The following MAP4K3 variants were observed in gnomAD, a reference collection of about 807,000 sequenced individuals.
MAP4K3 encodes the protein mitogen-activated protein kinase kinase kinase kinase 3, also known as MAPK/ERK kinase kinase kinase 3.
A neutral mutation model predicts 143.5 loss-of-function variants in MAP4K3; 94 were observed. The ratio of observed to expected loss-of-function variants is 0.65; its 90% CI spans 0.55 to 0.78. The LOEUF is 0.78. Ranked by LOEUF, MAP4K3 falls within the 30% of genes least tolerant of loss-of-function variation. The pLI, the probability that MAP4K3 is intolerant of heterozygous loss-of-function variation, is 0.00. For synonymous variants in MAP4K3, 416 were observed against 347.2 expected, an observed-to-expected ratio of 1.20 and a Z score of -2.20; for missense variants, 1,077 against 1,068.1, an observed-to-expected ratio of 1.01 and a Z score of -0.12.
intron 1 of MAP4K3, among the ~76,000 whole-genome samples, chr2:39,382,900 G>C (rs1167670954): frequency 6.6e-6 from 1 of 152,188 alleles, no homozygotes; most frequent in Non-Finnish European, 1.5e-5. Context: ...TTATGCAGAG[G>C]TTTGAAAAGA....
At chr2:39,261,256 A>C (rs949721989) in intron 28 of MAP4K3, 3 of 152,336 alleles carry the variant, frequency 2.0e-5, no homozygotes, top group African/African-American at 7.2e-5. Flanking sequence ...AAATCAAAAA[A>C]AATTAGCTTC....
chr2:39,350,825 T>G (rs1315354742), intron 3 of MAP4K3, among the ~76,000 whole-genome samples: 2 of 152,164 alleles, frequency 1.3e-5, no homozygotes, highest in Non-Finnish European at 2.9e-5. Flanking sequence ...AAGATTCATT[T>G]TTGCCCATAT....
At chr2:39,396,765 G>A (rs1217522039) in intron 1 of MAP4K3, among the ~76,000 whole-genome samples, 2 of 152,098 alleles carry the variant, frequency 1.3e-5, no homozygotes, top group Non-Finnish European at 2.9e-5. Flanking sequence ...GAGCCACCGC[G>A]CCCAGCCCCA....
rs141078120 is a variant in MAP4K3 at position 39,390,700 on chromosome 2, C to T, written c.97-12577G>A. On this transcript the variant is annotated intron_variant, in intron 1 of 33. Coordinates refer to ENST00000263881, the MANE Select transcript of MAP4K3 (RefSeq NM_003618.4). ...TCATTAAGTGTCCCCAAATCAGAAA[C>T]TGGAGATCAGAAGAAAAAGCACTTT... is the stretch of plus-strand genomic sequence containing the variant. 1.8e-3 allele frequency among the ~76,000 whole-genome samples: 278 copies of T among 151,586 alleles called. 2 individuals are homozygous for T. The highest frequency in any genetic ancestry group is 6.5e-3 in the African/African-American group (269 of 41,258).
intron 28 of MAP4K3, among the ~76,000 whole-genome samples, chr2:39,263,461 A>C (rs1201500559): frequency 8.4e-6 from 1 of 118,824 alleles, no homozygotes; most frequent in Non-Finnish European, 1.8e-5. Flanking sequence ...TTGTATTTTT[A>C]GTAGAGACGG....
chr2:39,292,784 A>G lies in MAP4K3; in HGVS notation c.1260T>C (p.Asp420=). The G allele has an allele frequency of 6.2e-7, 1 of 1,612,902 alleles. No individual in the cohort carries two copies. Among genetic ancestry groups the G allele is most frequent in the Non-Finnish European group, 8.5e-7 (1 of 1,179,002 alleles). ...GAGACAGAACTTACTGTTTAGATTC[A>G]TCATCATCTCCTTCATCATCTTCTA... is the stretch of plus-strand genomic sequence containing the variant. The part of the protein sequence containing the change: ...AHLEDDEGDD[D]ESKHSTLKAK... The change falls in exon 18 of 34, where the codon GAT becomes GAC. Residue 420 remains aspartate, a synonymous_variant. Transcript: ENST00000263881.
chr2:39,420,686 T>C (rs1186867452), intron 1 of MAP4K3, among the ~76,000 whole-genome samples: 1 of 152,098 alleles, frequency 6.6e-6, no homozygotes, highest in Non-Finnish European at 1.5e-5. Flanking sequence ...GTGTTGGAAT[T>C]ACAAGCATGA....
chr2:39,423,025 T>C (rs370191946), intron 1 of MAP4K3, among the ~76,000 whole-genome samples: 3 of 152,156 alleles, frequency 2.0e-5, no homozygotes, highest in Admixed American at 1.3e-4. Context: ...GCATAACATA[T>C]ATCTGATAGA....
rs1407811010 is a variant in MAP4K3 at position 39,258,386 on chromosome 2, G to A, written c.2432C>T (p.Ser811Leu). ...CTGGAAATCAAAGGTGAGTTCTGAT[G>A]ACAATTTCCTGCTAGATTTTAATCT... The part of the protein sequence containing the change: ...QGRLKSSRKL[S>L]SELTFDFQIE... Residue 811 changes from serine to leucine, a missense_variant, in exon 31 of 34, where the codon TCA becomes TTA. Around this residue, in one of 2 missense-constraint regions of MAP4K3, gnomAD observed 864 missense variants for 801.2 expected, o/e 1.08. Transcript: ENST00000263881. 6.2e-7 allele frequency: 1 copy of A among 1,610,574 alleles called. No individual in the cohort carries two copies. The highest frequency in any genetic ancestry group is 8.5e-7 in the Non-Finnish European group (1 of 1,178,506).
At chr2:39,335,901 G>A (rs1299649894) in intron 6 of MAP4K3, among the ~76,000 whole-genome samples, 1 of 151,988 alleles carries the variant, frequency 6.6e-6, no homozygotes, top group Non-Finnish European at 1.5e-5. Context: ...GAAACCCAGA[G>A]GACAGTAAGA....
At chr2:39,406,541 T>C (rs1044733938) in intron 1 of MAP4K3, among the ~76,000 whole-genome samples, 2 of 152,098 alleles carry the variant, frequency 1.3e-5, no homozygotes, top group Admixed American at 6.5e-5. Context: ...GACTTTTCAG[T>C]GGGAGCCTTA....
chr2:39,318,860 T>C (rs1242322554), intron 12 of MAP4K3, among the ~76,000 whole-genome samples: 1 of 152,174 alleles, frequency 6.6e-6, no homozygotes, highest in Non-Finnish European at 1.5e-5. Context: ...TAGATGAGAA[T>C]GTCAAGTTTG....
At chr2:39,326,517 G>C (rs1683494614) in intron 8 of MAP4K3, among the ~76,000 whole-genome samples, 1 of 152,108 alleles carries the variant, frequency 6.6e-6, no homozygotes, top group African/African-American at 2.4e-5. Flanking sequence ...GACTTGCCTT[G>C]CCTTGCCTCA....
chr2:39,316,272 T>C (rs72925252), intron 12 of MAP4K3, among the ~76,000 whole-genome samples: 10,577 of 152,142 alleles, frequency 0.07, 1,257 homozygotes, highest in African/African-American at 0.24. Context: ...CAATATAAGA[T>C]TTGTCAAGGG....
intron 1 of MAP4K3, among the ~76,000 whole-genome samples, chr2:39,415,980 A>AAAAAATATATATATATATATATATAT (rs1553318573): frequency 6.8e-5 from 1 of 14,754 alleles, no homozygotes; most frequent in South Asian, 3.1e-3. Context: ...AAAAAAAAAA[A>AAAAAATATATATATATATATATATAT]ATATATATAT....
rs777714500 is a variant in MAP4K3 at position 39,325,943 on chromosome 2, T to G, written c.681A>C (p.Thr227=). The change falls in exon 10 of 34, where the codon ACA becomes ACC. Residue 227 remains threonine (T), a synonymous_variant. Coordinates refer to ENST00000263881, the MANE Select transcript of MAP4K3 (RefSeq NM_003618.4). Reference sequence around the variant, plus strand: ...GTTTAGGAGGCTGAAAATTGCTTTTTGTCATTAGAAATAATGCTCTGAAAA... The same window carrying G: ...GTTTAGGAGGCTGAAAATTGCTTTTGGTCATTAGAAATAATGCTCTGAAAA... The part of the protein sequence containing the change: ...LHPMRALFLM[T]KSNFQPPKLK... 3.1e-6 allele frequency: 5 copies of G among 1,595,372 alleles called. No homozygotes were observed. The Admixed American group carries it at 6.8e-5, about 22-fold the overall frequency.
At chr2:39,436,848 G>T in intron 1 of MAP4K3, 44 bp downstream of exon 1, 1 of 1,546,380 alleles carries the variant, frequency 6.5e-7, no homozygotes, top group Non-Finnish European at 8.8e-7. Flanking sequence ...TTGGCTGCGG[G>T]TCGGGATCCC....
intron 29 of MAP4K3, among the ~76,000 whole-genome samples, chr2:39,258,862 T>A (rs934957969): frequency 6.6e-6 from 1 of 152,176 alleles, no homozygotes; most frequent in African/African-American, 2.4e-5. Flanking sequence ...AAAACAAACA[T>A]ACTTAAAATA....
chr2:39,322,569 TA>T (rs1683342402), intron 12 of MAP4K3, among the ~76,000 whole-genome samples: 1 of 149,824 alleles, frequency 6.7e-6, no homozygotes, highest in East Asian at 2.0e-4. Flanking sequence ...ATAAAAAACT[TA>T]AACTAGACTT....
Sources: gnomAD v4.1 joint callset for allele counts (sites outside exome capture counted in the v4.1 genomes callset) on GRCh38, gnomAD v4.1.1 for gene constraint, gnomAD v4.1.1 regional missense constraint, MANE v1.5 for transcripts, NCBI Gene and HGNC (gene_info 2026-07-23, HGNC 2026-07-21) for gene names.